Variants in HEATR5B observed in about 807,000 individuals in gnomAD.
HEATR5B encodes HEAT repeat containing 5B, also known as HEAT repeat-containing protein 5B.
HEATR5B carries 156 observed loss-of-function variants against 224.1 expected under a neutral mutation model. The observed-to-expected ratio is 0.70, with a 90% CI of 0.61 to 0.80. The LOEUF (loss-of-function observed/expected upper bound fraction) is 0.80, where lower values mean the gene tolerates loss of function less well. HEATR5B is among the 30% of genes least tolerant of loss of function. The pLI is 0.00. For synonymous variants in HEATR5B, 1,027 were observed against 893.0 expected (o/e 1.15, Z -2.68); for missense variants, 2,323 against 2,535.5 (o/e 0.92, Z 1.80).
Position 37,027,926 on chromosome 2 carries a change from T to C in HEATR5B, c.3850A>G (p.Thr1284Ala), listed in dbSNP as rs371649958. 4.3e-6 allele frequency: 7 copies of C among 1,612,652 alleles called. No individual in the cohort carries two copies. Among genetic ancestry groups the C allele is most frequent in the African/African-American group, 2.7e-5 (2 of 74,876 alleles). The part of the protein sequence containing the change: ...LARSAKLRNP[T>A]NDLLVLHLSD... ...AAAGTACTGATTTTAAATTTACTTG[T>C]AGGGTTTCGAAGTTTAGCAGAACGT... The change falls in exon 24 of 36, where the codon ACA becomes GCA. Residue 1284 changes from threonine to alanine, a missense_variant. Transcript: ENST00000233099.
At chr2:37,033,481 G>C (rs1354049365) in intron 21 of HEATR5B, among the ~76,000 whole-genome samples, 2 of 152,186 alleles carry the variant, frequency 1.3e-5, no homozygotes, top group Admixed American at 6.5e-5. Flanking sequence ...GAAAAGTTAG[G>C]GGGCAGAGCA....
chr2:36,983,790 A>T, intron 35 of HEATR5B, among the ~76,000 whole-genome samples: 1 of 152,240 alleles, frequency 6.6e-6, no homozygotes, highest in South Asian at 2.1e-4. Context: ...GTAGAGAATT[A>T]TAAAATATAT....
rs1667502520 is a variant in HEATR5B, at chr2:37,007,435, C to A, written c.4523-131G>T. 7.0e-6 allele frequency: 7 copies of A among 1,000,448 alleles called. No individual in the cohort carries two copies. In the South Asian group the frequency reaches 1.1e-4, roughly 15 times the overall value. The allele number at this position is 1,000,448 out of a possible 1,614,324, so 62.0% of individuals were successfully genotyped here. On this transcript the variant is annotated intron_variant, in intron 28 of 35. Transcript: ENST00000233099. ...CTTGGCTCACTGCAACCTCCTCCTG[C>A]TGGGTTCAAGCAATTCTCCTGCCTC...
chr2:37,013,922 A>C lies in HEATR5B; in HGVS notation c.4203T>G (p.Ala1401=). 1 of 1,613,332 alleles carries C rather than the reference A, an allele frequency of 6.2e-7. No homozygotes were observed. Among genetic ancestry groups the C allele is most frequent in the African/African-American group, 1.3e-5 (1 of 75,010 alleles). The change falls in exon 27 of 36, where the codon GCT becomes GCG. Residue 1401 remains alanine (A), a synonymous_variant. Coordinates refer to ENST00000233099, the MANE Select transcript of HEATR5B (RefSeq NM_019024.3). The part of the protein sequence containing the change: ...LLVSSLDKVQ[A]GKGSSSQLYR... ...ACAGCTGGCTGGAAGATCCTTTTCC[A>C]GCCTGAACTTTGTCCAGAGAAGAAA...
intron 33 of HEATR5B, among the ~76,000 whole-genome samples, chr2:36,993,746 C>G (rs1483157794): frequency 6.6e-6 from 1 of 151,782 alleles, no homozygotes; most frequent in African/African-American, 2.4e-5. Context: ...AGCAATATGT[C>G]TTAGTTATAT....
At chr2:37,044,774 T>G (rs140636476) in intron 18 of HEATR5B, among the ~76,000 whole-genome samples, 1 of 152,238 alleles carries the variant, frequency 6.6e-6, no homozygotes, top group South Asian at 2.1e-4. Flanking sequence ...TTCAATTATA[T>G]GCATGTTACA....
intron 17 of HEATR5B, among the ~76,000 whole-genome samples, chr2:37,050,673 A>C (rs1363168373): frequency 1.3e-5 from 2 of 152,238 alleles, no homozygotes; most frequent in Admixed American, 1.3e-4. Context: ...GATGAATATG[A>C]AACTGAATAG....
chr2:37,058,685 T>C, intron 13 of HEATR5B, 125 bp from the exon 14 acceptor site: 1 of 720,746 alleles, frequency 1.4e-6, no homozygotes, highest in Non-Finnish European at 2.3e-6. Context: ...TTTTAGCTTA[T>C]GTTGTGATCT....
intron 26 of HEATR5B, among the ~76,000 whole-genome samples, chr2:37,019,594 C>T (rs184230806): frequency 6.6e-6 from 1 of 151,968 alleles, no homozygotes; most frequent in African/African-American, 2.4e-5. Context: ...GTAGCCTGGA[C>T]TACAGGTGTA....
chr2:36,992,350 T>A (rs577476920), intron 33 of HEATR5B, among the ~76,000 whole-genome samples: 2 of 152,010 alleles, frequency 1.3e-5, no homozygotes, highest in African/African-American at 4.8e-5. Flanking sequence ...GGAAACTGAA[T>A]TGGGAGGACT....
intron 30 of HEATR5B, among the ~76,000 whole-genome samples, chr2:37,004,472 C>T (rs1275434308): frequency 6.6e-6 from 1 of 151,626 alleles, no homozygotes; most frequent in Non-Finnish European, 1.5e-5. Flanking sequence ...CCTCCAGATC[C>T]TTTTATCTAC....
chr2:37,036,804 G>A (rs553664708), intron 21 of HEATR5B, among the ~76,000 whole-genome samples: 9 of 152,172 alleles, frequency 5.9e-5, no homozygotes, highest in South Asian at 2.1e-4. Flanking sequence ...GACCCACTGC[G>A]CCTGGCCTTA....
chr2:37,055,591 G>T (rs1317107958), intron 16 of HEATR5B, among the ~76,000 whole-genome samples: 1 of 152,084 alleles, frequency 6.6e-6, no homozygotes, highest in Non-Finnish European at 1.5e-5. Flanking sequence ...AAATTAAAAA[G>T]CAATTAATCA....
intron 34 of HEATR5B, among the ~76,000 whole-genome samples, chr2:36,989,097 CTTTTTTT>C (rs1382864469): frequency 6.6e-6 from 1 of 151,822 alleles, no homozygotes; most frequent in Non-Finnish European, 1.5e-5. Context: ...TTTCTTTTTT[CTTTTTTT>C]GAGATGGAGT....
chr2:37,021,232 A>G (rs912142263), intron 24 of HEATR5B, among the ~76,000 whole-genome samples: 3 of 152,232 alleles, frequency 2.0e-5, no homozygotes, highest in African/African-American at 7.2e-5. Context: ...CCAAAGAGAA[A>G]GTTAAGCTTG....
chr2:37,018,517 C>G (rs1668265268), intron 26 of HEATR5B, among the ~76,000 whole-genome samples: 1 of 152,202 alleles, frequency 6.6e-6, no homozygotes, highest in African/African-American at 2.4e-5. Flanking sequence ...GTTAATTTCT[C>G]TGAAGACTGC....
chr2:37,064,710 G>A, intron 10 of HEATR5B, 30 bp downstream of exon 10: 1 of 1,609,522 alleles, frequency 6.2e-7, no homozygotes, highest in Non-Finnish European at 8.5e-7. Context: ...CCACGTGACA[G>A]CATTCCCAAG....
At chr2:36,981,935 T>C (rs749630980) in intron 35 of HEATR5B, 141 bp from the exon 36 acceptor site, 12 of 468,000 alleles carry the variant, frequency 2.6e-5, no homozygotes, top group Admixed American at 4.0e-5. Context: ...CAATAACTCG[T>C]AATTAATATT....
chr2:36,983,887 T>C (rs925740877), intron 35 of HEATR5B, among the ~76,000 whole-genome samples: 6 of 151,890 alleles, frequency 4.0e-5, no homozygotes, highest in African/African-American at 1.5e-4. Context: ...ATTAAGGTTT[T>C]GGTTTTAACA....
Sources: allele counts gnomAD v4.1 joint callset (sites outside exome capture counted in the v4.1 genomes callset), GRCh38; gene constraint gnomAD v4.1.1; transcripts MANE v1.5; gene names NCBI Gene and HGNC (gene_info 2026-07-23, HGNC 2026-07-21).